The following NEDD1 variants were observed in gnomAD, a reference collection of about 807,000 sequenced individuals.
NEDD1 encodes NEDD1 gamma-tubulin ring complex targeting factor.
In NEDD1, 33 loss-of-function variants were observed where a neutral mutation model predicts 74.0. That is an observed-to-expected ratio of 0.45 (90% CI 0.34 to 0.60). The LOEUF is 0.60. NEDD1 is among the 20% of genes least tolerant of loss of function. The probability of loss-of-function intolerance (pLI) is 0.01; values close to 1 mark genes in which losing one functional copy is unlikely to be tolerated. For missense variants in NEDD1, 746 were observed against 776.5 expected (o/e 0.96, Z 0.47); for synonymous variants, 250 against 264.4 (o/e 0.95, Z 0.53).
At chr12:96,947,771 C>A (rs1878338688) in intron 14 of NEDD1, among the ~76,000 whole-genome samples, 1 of 152,146 alleles carries the variant, frequency 6.6e-6, no homozygotes, top group African/African-American at 2.4e-5. Flanking sequence ...CTTTCTGTGC[C>A]TCAGGAGAAG....
At chr12:96,914,847 T>C (rs1439714595) in intron 4 of NEDD1, among the ~76,000 whole-genome samples, 2 of 152,218 alleles carry the variant, frequency 1.3e-5, no homozygotes, top group Non-Finnish European at 2.9e-5. Flanking sequence ...GTTGCATTAA[T>C]AATACATTAT....
intron 6 of NEDD1, among the ~76,000 whole-genome samples, chr12:96,932,463 A>AATATATATATATATAT (rs1555203253): frequency 1.6e-3 from 15 of 9,420 alleles, no homozygotes; most frequent in Non-Finnish European, 2.0e-3. Context: ...AAAAAAAAAA[A>AATATATATATATATAT]ATATATATAT....
chr12:96,949,535 G>T (rs950761587), intron 14 of NEDD1, among the ~76,000 whole-genome samples: 1 of 151,998 alleles, frequency 6.6e-6, no homozygotes, highest in African/African-American at 2.4e-5. Flanking sequence ...GCTGGGATTT[G>T]GAAGAAGATG....
intron 6 of NEDD1, among the ~76,000 whole-genome samples, chr12:96,922,846 G>A (rs184297627): frequency 6.6e-6 from 1 of 152,240 alleles, no homozygotes; most frequent in African/African-American, 2.4e-5. Context: ...GGCCAGACGC[G>A]GTGGCTACCT....
In NEDD1 at chr12:96,935,111, G is replaced by A; in HGVS notation, c.625G>A (p.Ala209Thr). 1.2e-6 allele frequency: 2 copies of A among 1,613,242 alleles called. No individual in the cohort carries two copies. Among genetic ancestry groups the A allele is most frequent in the Non-Finnish European group, 1.7e-6 (2 of 1,179,196 alleles). ...HNFDSVHKAP[A>T]SGICFSPVNE... ...CTTTGACAGTGTACACAAAGCTCCAGCGTCAGGCATCTGTTTTTCTCCTGT... is the reference window on the plus strand; with the variant it reads ...CTTTGACAGTGTACACAAAGCTCCAACGTCAGGCATCTGTTTTTCTCCTGT... The change falls in exon 7 of 16, where the codon GCG (alanine) becomes ACG (threonine). Residue 209 changes from alanine to threonine, a missense_variant. Ala to Thr is a moderately conservative substitution (Grantham distance 58). Around this residue, in one of 3 missense-constraint regions of NEDD1, gnomAD observed 706 missense variants for 706.7 expected, o/e 1.00. Coordinates refer to ENST00000266742, the MANE Select transcript of NEDD1 (RefSeq NM_152905.4).
At chr12:96,909,559 T>C (rs1032665763) in intron 2 of NEDD1, among the ~76,000 whole-genome samples, 193 bp from the exon 3 acceptor site, 1 of 152,142 alleles carries the variant, frequency 6.6e-6, no homozygotes, top group Admixed American at 6.5e-5. Flanking sequence ...TGAGGAGCCA[T>C]TGGAAGGGTC....
chr12:96,945,751 A>G lies in NEDD1; in HGVS notation c.1713A>G (p.Ile571Met). Residue 571 changes from isoleucine to methionine, a missense_variant, in exon 14 of 16, where the codon ATA becomes ATG. Physicochemically the swap from Ile to Met is conservative, Grantham distance 10. This residue lies in a region of NEDD1 where 706 missense variants were observed against 706.7 expected (regional missense o/e 1.00). Coordinates refer to ENST00000266742, the MANE Select transcript of NEDD1 (RefSeq NM_152905.4). The part of the protein sequence containing the change: ...AGVASSLSEK[I>M]ADSIGNNRQN... ...TTGCCAGTTCACTCTCAGAAAAAAT[A>G]GCCGACAGCATTGGAAATAACCGGC... 1 of 1,607,668 alleles carries G rather than the reference A, an allele frequency of 6.2e-7. No homozygotes were observed. Among genetic ancestry groups the G allele is most frequent in the Non-Finnish European group, 8.5e-7 (1 of 1,174,132 alleles).
intron 6 of NEDD1, among the ~76,000 whole-genome samples, chr12:96,927,159 A>T (rs1875800667): frequency 6.6e-6 from 1 of 152,198 alleles, no homozygotes; most frequent in Non-Finnish European, 1.5e-5. Flanking sequence ...CACATCCATG[A>T]TTAAATTAAA....
At chr12:96,934,249 G>C (rs1323076885) in intron 6 of NEDD1, among the ~76,000 whole-genome samples, 4 of 147,238 alleles carry the variant, frequency 2.7e-5, no homozygotes, top group Non-Finnish European at 4.5e-5. Flanking sequence ...TTGTTGATTT[G>C]ACTGTGACAA....
intron 4 of NEDD1, among the ~76,000 whole-genome samples, chr12:96,917,121 T>A (rs762454041): frequency 6.6e-6 from 1 of 152,198 alleles, no homozygotes; most frequent in Non-Finnish European, 1.5e-5. Flanking sequence ...TAACGGAGAT[T>A]TGCTGGAAGA....
At position 96,951,436 on chromosome 12, in the gene NEDD1, G is replaced by A. The variant is rs200081942; in HGVS notation, c.1816G>A (p.Ala606Thr). The A allele has an allele frequency of 3.9e-6, 6 of 1,551,514 alleles. No homozygotes were observed. In the East Asian group the frequency reaches 1.4e-4, roughly 35 times the overall value. ...IQETLDDFRE[A>T]CHRDIVNLQV... ...AGTATTTTACATTCTTCCTAGAGAAGCATGCCATAGGGACATTGTGAATTT... is the reference window on the plus strand; with the variant it reads ...AGTATTTTACATTCTTCCTAGAGAAACATGCCATAGGGACATTGTGAATTT... The change falls in exon 15 of 16, where the codon GCA (alanine) becomes ACA (threonine). Residue 606 changes from alanine (A) to threonine (T), a missense_variant. Coordinates refer to ENST00000266742, the MANE Select transcript of NEDD1 (RefSeq NM_152905.4).
chr12:96,926,183 G>A (rs1875669605), intron 6 of NEDD1, among the ~76,000 whole-genome samples: 2 of 152,052 alleles, frequency 1.3e-5, no homozygotes, highest in African/African-American at 2.4e-5. Flanking sequence ...CTCTAAAATG[G>A]TTTGAGCATC....
intron 5 of NEDD1, among the ~76,000 whole-genome samples, chr12:96,918,518 A>AT (rs1874715630): frequency 1.3e-5 from 2 of 151,856 alleles, no homozygotes; most frequent in Non-Finnish European, 2.9e-5. Flanking sequence ...AAATTTGATG[A>AT]TTTTTTCCAT....
chr12:96,930,622 T>C (rs1876353551), intron 6 of NEDD1, among the ~76,000 whole-genome samples: 1 of 152,048 alleles, frequency 6.6e-6, no homozygotes, highest in Non-Finnish European at 1.5e-5. Context: ...AGAAGGAAAT[T>C]AGGTGTTCAG....
intron 9 of NEDD1, among the ~76,000 whole-genome samples, chr12:96,938,757 C>G (rs1346316477): frequency 6.6e-6 from 1 of 152,004 alleles, no homozygotes; most frequent in Admixed American, 6.6e-5. Context: ...TTGGCAGATG[C>G]ACTTTATAAA....
Position 96,945,805 on chromosome 12 carries a change from T to G in NEDD1, c.1767T>G (p.Ile589Met), listed in dbSNP as rs1878137255. The G allele has an allele frequency of 6.2e-7, 1 of 1,612,444 alleles. No individual in the cohort carries two copies. The highest frequency in any genetic ancestry group is 2.2e-5 in the East Asian group (1 of 44,856). Residue 589 changes from isoleucine (I) to methionine (M), a missense_variant, in exon 14 of 16, where the codon ATT becomes ATG. Around this residue, in one of 3 missense-constraint regions of NEDD1, gnomAD observed 706 missense variants for 706.7 expected, o/e 1.00. Transcript: ENST00000266742. ...ATGCACCATTGACTTCCATTCAAAT[T>G]CGTTTTATTCAGAACATGATACAGG... ...RQNAPLTSIQ[I>M]RFIQNMIQET...
At chr12:96,942,927 T>G (rs1257292604) in intron 11 of NEDD1, among the ~76,000 whole-genome samples, 4 of 152,016 alleles carry the variant, frequency 2.6e-5, no homozygotes, top group Non-Finnish European at 5.9e-5. Flanking sequence ...GCCAATGAGC[T>G]TCTTTATATA....
intron 9 of NEDD1, among the ~76,000 whole-genome samples, chr12:96,938,128 TG>T (rs1268460649): frequency 4.6e-5 from 7 of 151,958 alleles, no homozygotes; most frequent in African/African-American, 1.4e-4. Flanking sequence ...TATTTATTGG[TG>T]TTTTTTTTTA....
intron 6 of NEDD1, among the ~76,000 whole-genome samples, chr12:96,928,677 G>GT (rs1555202497): frequency 3.1e-5 from 4 of 128,394 alleles, no homozygotes; most frequent in African/African-American, 8.7e-5. Context: ...TACATAGTGT[G>GT]TTTCTTTTTT....
Sources: gnomAD v4.1 joint callset for allele counts (sites outside exome capture counted in the v4.1 genomes callset) on GRCh38, gnomAD v4.1.1 for gene constraint, gnomAD v4.1.1 regional missense constraint, MANE v1.5 for transcripts, NCBI Gene and HGNC (gene_info 2026-07-23, HGNC 2026-07-21) for gene names.